TENM4: variants seen among roughly 807,000 people sequenced by gnomAD.
TENM4 encodes teneurin transmembrane protein 4, also known as teneurin-4.
In TENM4, 82 loss-of-function variants were observed where a neutral mutation model predicts 243.3. That is an observed-to-expected ratio of 0.34 (90% CI 0.28 to 0.40). The LOEUF (loss-of-function observed/expected upper bound fraction) is 0.40, where lower values mean the gene tolerates loss of function less well. Among genes scored for constraint, TENM4 ranks in the 10% least tolerant of loss-of-function variants. The probability of loss-of-function intolerance (pLI) is 1.00; values close to 1 mark genes in which losing one functional copy is unlikely to be tolerated. For missense variants in TENM4, 3,138 were observed against 3,673.3 expected (o/e 0.85, Z 3.77); for synonymous variants, 1,412 against 1,456.3 (o/e 0.97, Z 0.69).
chr11:79,188,427 A>AC (rs1863415902), intron 3 of TENM4, among the ~76,000 whole-genome samples: 1 of 152,000 alleles, frequency 6.6e-6, no homozygotes, highest in South Asian at 2.1e-4. Flanking sequence ...GGATTCATAG[A>AC]CCCCAGCTTA....
At chr11:79,018,610 G>A (rs1337229877) in intron 6 of TENM4, among the ~76,000 whole-genome samples, 1 of 152,090 alleles carries the variant, frequency 6.6e-6, no homozygotes, top group Non-Finnish European at 1.5e-5. Flanking sequence ...TCTCTGTCTC[G>A]GTAGGAAAGA....
At chr11:79,244,717 T>C (rs1301213556) in intron 2 of TENM4, among the ~76,000 whole-genome samples, 2 of 152,214 alleles carry the variant, frequency 1.3e-5, no homozygotes, top group Non-Finnish European at 1.5e-5. Flanking sequence ...TGTTAAGCTC[T>C]TGTTATAAAA....
chr11:79,377,181 G>C (rs963123971), intron 1 of TENM4, among the ~76,000 whole-genome samples: 1 of 152,224 alleles, frequency 6.6e-6, no homozygotes, highest in African/African-American at 2.4e-5. Context: ...GGCAGAAACA[G>C]ATTCTCCCCG....
chr11:79,178,598 A>G (rs569903253), intron 3 of TENM4, among the ~76,000 whole-genome samples: 2 of 152,338 alleles, frequency 1.3e-5, no homozygotes, highest in Non-Finnish European at 2.9e-5. Context: ...TTTGAGTCAT[A>G]TGAGGACTGA....
chr11:78,860,368 G>A (rs963246581), intron 10 of TENM4, among the ~76,000 whole-genome samples: 2 of 152,200 alleles, frequency 1.3e-5, no homozygotes, highest in Non-Finnish European at 2.9e-5. Context: ...AGTTAACAGA[G>A]CCAATATAAA....
chr11:78,699,173 T>C (rs571091168), intron 28 of TENM4, among the ~76,000 whole-genome samples: 28 of 152,296 alleles, frequency 1.8e-4, no homozygotes, highest in Non-Finnish European at 3.2e-4. Context: ...CAGCTATCAT[T>C]TGAGTACTTA....
intron 1 of TENM4, among the ~76,000 whole-genome samples, chr11:79,436,330 A>G (rs1228649721): frequency 6.6e-6 from 1 of 152,196 alleles, no homozygotes; most frequent in African/African-American, 2.4e-5. Flanking sequence ...AAATCTGAAT[A>G]AAGTTTATAG....
At chr11:79,034,775 A>T (rs1859334233) in intron 6 of TENM4, among the ~76,000 whole-genome samples, 1 of 152,076 alleles carries the variant, frequency 6.6e-6, no homozygotes, top group Non-Finnish European at 1.5e-5. Flanking sequence ...GACCATGATG[A>T]TATGCACGGA....
rs1491509139 is a variant in TENM4 at position 79,283,212 on chromosome 11, A to AC, written c.-265+14275_-265+14276insG. Among the ~76,000 whole-genome samples, 240 of 115,626 alleles carry AC rather than the reference A, an allele frequency of 2.1e-3. 2 individuals are homozygous for AC. The highest frequency in any genetic ancestry group is 0.014 in the East Asian group (57 of 4,082). 75.9% of individuals were successfully genotyped at this position (115,626 alleles called of 152,430 possible). ...TCAGACAAAGACATCACACACACAC[A>AC]AACACACACACACACACACACACAC... On this transcript the variant is annotated intron_variant, in intron 2 of 33. Coordinates refer to ENST00000278550, the MANE Select transcript of TENM4 (RefSeq NM_001098816.3).
At chr11:78,857,430 G>A (rs1858706705) in intron 10 of TENM4, among the ~76,000 whole-genome samples, 1 of 152,144 alleles carries the variant, frequency 6.6e-6, no homozygotes, top group South Asian at 2.1e-4. Flanking sequence ...CACATTTGAT[G>A]CTGAAATGAA....
At chr11:78,978,348 A>AAGAAT (rs1554985641) in intron 6 of TENM4, among the ~76,000 whole-genome samples, 1 of 18,160 alleles carries the variant, frequency 5.5e-5, no homozygotes, top group Non-Finnish European at 1.7e-4. Context: ...AACTTAAAGT[A>AAGAAT]AGAAAAGAAA....
intron 9 of TENM4, among the ~76,000 whole-genome samples, chr11:78,870,420 C>T (rs1186385362): frequency 5.3e-5 from 8 of 152,146 alleles, no homozygotes; most frequent in Non-Finnish European, 1.2e-4. Flanking sequence ...GTAATGGGAA[C>T]TAGAGATATT....
chr11:79,423,535 ATTTTTT>A (rs67697266), intron 1 of TENM4, among the ~76,000 whole-genome samples: 21 of 114,124 alleles, frequency 1.8e-4, no homozygotes, highest in East Asian at 8.3e-4. Context: ...TTACAAGTGC[ATTTTTT>A]TTTTTTTTTT....
At chr11:79,233,596 G>C (rs1362692647) in intron 2 of TENM4, among the ~76,000 whole-genome samples, 2 of 152,142 alleles carry the variant, frequency 1.3e-5, no homozygotes, top group Non-Finnish European at 2.9e-5. Context: ...ACTTAGGCAA[G>C]ACAGGGAGAC....
chr11:78,870,644 T>C (rs1859096988), intron 9 of TENM4, among the ~76,000 whole-genome samples: 1 of 152,206 alleles, frequency 6.6e-6, no homozygotes. Flanking sequence ...CAGTTAATCA[T>C]TTCTCTGTGC....
chr11:79,294,993 C>T (rs911721853), intron 2 of TENM4, among the ~76,000 whole-genome samples: 2 of 152,310 alleles, frequency 1.3e-5, no homozygotes, highest in Non-Finnish European at 2.9e-5. Flanking sequence ...GCACACTCAT[C>T]CCTGTGCTGC....
At chr11:78,723,780 C>T (rs1375503515) in intron 23 of TENM4, among the ~76,000 whole-genome samples, 1 of 152,232 alleles carries the variant, frequency 6.6e-6, no homozygotes, top group African/African-American at 2.4e-5. Context: ...TGTGCTCTTA[C>T]AGATCATCAG....
intron 4 of TENM4, among the ~76,000 whole-genome samples, chr11:79,116,114 G>C (rs1861613646): frequency 6.6e-6 from 1 of 152,192 alleles, no homozygotes. Context: ...AATTGACACT[G>C]AGAAACAAAA....
chr11:78,693,964 G>A (rs576413074), intron 28 of TENM4, among the ~76,000 whole-genome samples: 1 of 152,192 alleles, frequency 6.6e-6, no homozygotes, highest in South Asian at 2.1e-4. Flanking sequence ...GCCGTGAGCC[G>A]AGATCGCACC....
Sources: gnomAD v4.1 joint callset for allele counts (sites outside exome capture counted in the v4.1 genomes callset) on GRCh38, gnomAD v4.1.1 for gene constraint, MANE v1.5 for transcripts, NCBI Gene and HGNC (gene_info 2026-07-23, HGNC 2026-07-21) for gene names.